CASZ1: variants seen among roughly 807,000 people sequenced by gnomAD.
CASZ1 encodes the protein zinc finger protein castor homolog 1.
CASZ1 carries 28 observed loss-of-function variants against 135.2 expected under a neutral mutation model. The observed-to-expected ratio is 0.21, with a 90% CI of 0.15 to 0.28. CASZ1 has a LOEUF of 0.28. Among genes scored for constraint, CASZ1 ranks in the 10% least tolerant of loss-of-function variants. CASZ1 has a pLI of 1.00. For synonymous variants in CASZ1, 1,068 were observed against 1,073.4 expected (o/e 0.99, Z 0.10); for missense variants, 2,161 against 2,453.3 (o/e 0.88, Z 2.52).
Position 10,649,419 on chromosome 1 carries a change from C to A in CASZ1, c.2899G>T (p.Gly967Cys). Residue 967 changes from glycine (G) to cysteine (C), a missense_variant, in exon 14 of 21, where the codon GGC becomes TGC. Physicochemically the swap from Gly to Cys is radical, Grantham distance 159. This residue lies in a region of CASZ1 where 406 missense variants were observed against 387.6 expected (regional missense o/e 1.05). Transcript: ENST00000377022. Reference sequence around the variant, plus strand: ...TTGATGTTCAGCAGGCTGCCCAGGCCAGGGTTGCCCTGAGACATCTGTGAG... The same window carrying A: ...TTGATGTTCAGCAGGCTGCCCAGGCAAGGGTTGCCCTGAGACATCTGTGAG... ...LMNKMSQGNP[G>C]LGSLLNIKAE... 6.2e-7 allele frequency: 1 copy of A among 1,610,178 alleles called. No homozygotes were observed. The highest frequency in any genetic ancestry group is 8.5e-7 in the Non-Finnish European group (1 of 1,178,310).
At chr1:10,677,166 T>A (rs957327842) in intron 4 of CASZ1, among the ~76,000 whole-genome samples, 17 of 151,980 alleles carry the variant, frequency 1.1e-4, no homozygotes, top group Admixed American at 1.1e-3. Flanking sequence ...GGGCAGGTGA[T>A]GCCTCCCAAG....
intron 1 of CASZ1, among the ~76,000 whole-genome samples, chr1:10,768,400 T>C (rs1203900131): frequency 6.6e-6 from 1 of 152,092 alleles, no homozygotes; most frequent in Non-Finnish European, 1.5e-5. Flanking sequence ...GTATTTTTAG[T>C]AGAGATGGGG....
rs368958186 is a variant in CASZ1, at chr1:10,647,761, C to T, written c.3497+40G>A. On this transcript the variant is annotated intron_variant, in intron 16 of 20. Coordinates refer to ENST00000377022, the MANE Select transcript of CASZ1 (RefSeq NM_001079843.3). This position sits in a 1 kb window ranked among gnomAD's most constrained non-coding sequence, Gnocchi z 4.9. ...CTTGCTAGCACCTACTCCCGAGACG[C>T]GAGGGGAACGCGGGACTCCCGGCTC... The T allele has an allele frequency of 7.0e-5, 112 of 1,610,736 alleles. No individual in the cohort carries two copies. The highest frequency in any genetic ancestry group is 8.8e-5 in the Non-Finnish European group (104 of 1,179,966).
At chr1:10,723,057 A>G (rs1639531535) in intron 2 of CASZ1, among the ~76,000 whole-genome samples, 2 of 152,174 alleles carry the variant, frequency 1.3e-5, no homozygotes, top group Admixed American at 1.3e-4. Flanking sequence ...TGCAGACGGG[A>G]GGTGCGCATC....
Position 10,794,691 on chromosome 1 carries a change from G to A in CASZ1, c.-234+1873C>T, listed in dbSNP as rs1347015286. Among the ~76,000 whole-genome samples, 1 of 152,184 alleles carries A rather than the reference G, an allele frequency of 6.6e-6. No homozygotes were observed. The highest frequency in any genetic ancestry group is 1.9e-4 in the East Asian group (1 of 5,194). ...ACTAGCCTCCCCCAACTCCGGACCC[G>A]GGTCGGGGATGACTTGGAAGAAGAA... On this transcript the variant is annotated intron_variant, in intron 1 of 20. Transcript: ENST00000377022. This position sits in a 1 kb window ranked among gnomAD's most constrained non-coding sequence, Gnocchi z 5.6.
chr1:10,777,362 C>A lies in CASZ1; in HGVS notation c.-233-16505G>T, dbSNP rs1270557057. Reference sequence around the variant, plus strand: ...CCACCTCTGACCTCTGTGACTTCACCCTTCACCCACAAGCCTCCTTTCTCT... The same window carrying A: ...CCACCTCTGACCTCTGTGACTTCACACTTCACCCACAAGCCTCCTTTCTCT... On this transcript the variant is annotated intron_variant, in intron 1 of 20. Coordinates refer to ENST00000377022, the MANE Select transcript of CASZ1 (RefSeq NM_001079843.3). The surrounding 1 kb of genome is among the most constrained non-coding windows in gnomAD (Gnocchi z 4.4). Among the ~76,000 whole-genome samples, 1 of 152,098 alleles carries A rather than the reference C, an allele frequency of 6.6e-6. No homozygotes were observed. The highest frequency in any genetic ancestry group is 2.4e-5 in the African/African-American group (1 of 41,396).
intron 1 of CASZ1, among the ~76,000 whole-genome samples, chr1:10,765,096 T>TC (rs1204415290): frequency 6.6e-6 from 1 of 151,710 alleles, no homozygotes; most frequent in African/African-American, 2.4e-5. Context: ...CATCGGAACC[T>TC]CCCCCCACAA....
intron 2 of CASZ1, among the ~76,000 whole-genome samples, chr1:10,746,150 G>A (rs535857428): frequency 6.6e-6 from 1 of 152,364 alleles, no homozygotes; most frequent in African/African-American, 2.4e-5. Flanking sequence ...TGTTCCCGCT[G>A]TCCAGGCCTC....
Position 10,697,242 on chromosome 1 carries a change from C to T in CASZ1, c.-23-3330G>A, listed in dbSNP as rs1638953505. Among the ~76,000 whole-genome samples the T allele has an allele frequency of 1.0e-5, 1 of 98,118 alleles. No individual in the cohort carries two copies. Among genetic ancestry groups the T allele is most frequent in the African/African-American group, 3.2e-5 (1 of 31,072 alleles). 64.4% of individuals were successfully genotyped at this position (98,118 alleles called of 152,430 possible). The stretch of plus-strand genomic sequence containing the variant: ...CATGGAGGGGCCCCCAGATTATGCG[C>T]CCCCCCCTTCTCTCTCTTTCTCTCT... On this transcript the variant is annotated intron_variant, in intron 3 of 20. Coordinates refer to ENST00000377022, the MANE Select transcript of CASZ1 (RefSeq NM_001079843.3). The surrounding 1 kb of genome is among the most constrained non-coding windows in gnomAD (Gnocchi z 4.7).
rs368863066 is a variant in CASZ1, at chr1:10,664,174, C to T, written c.505+909G>A. Among the ~76,000 whole-genome samples the T allele has an allele frequency of 2.0e-4, 31 of 152,296 alleles. No individual in the cohort carries two copies. The East Asian group carries it at 3.9e-3, about 19-fold the overall frequency. On this transcript the variant is annotated intron_variant, in intron 5 of 20. Coordinates refer to ENST00000377022, the MANE Select transcript of CASZ1 (RefSeq NM_001079843.3). ...AATTATGTGGCTGCGCAGGGCTCCCCGCACGGGGAGGAGATGCACCCCTTG... is the reference window on the plus strand; with the variant it reads ...AATTATGTGGCTGCGCAGGGCTCCCTGCACGGGGAGGAGATGCACCCCTTG...
chr1:10,753,779 C>T (rs990137046), intron 2 of CASZ1, among the ~76,000 whole-genome samples: 4 of 152,096 alleles, frequency 2.6e-5, no homozygotes, highest in Admixed American at 1.3e-4. Flanking sequence ...AAGGGCGATC[C>T]GGGCACATAT....
At chr1:10,678,425 T>TG (rs1228240773) in intron 4 of CASZ1, among the ~76,000 whole-genome samples, 27 of 45,170 alleles carry the variant, frequency 6.0e-4, no homozygotes, top group Middle Eastern at 0.01. Flanking sequence ...TGGGTGGGGG[T>TG]GGGGGGGTCT....
intron 2 of CASZ1, among the ~76,000 whole-genome samples, chr1:10,740,071 C>G (rs570943368): frequency 2.8e-4 from 42 of 152,240 alleles, no homozygotes; most frequent in Non-Finnish European, 4.4e-4. Flanking sequence ...GCCCCCCTGG[C>G]CAGCACCAGC....
chr1:10,789,672 A>G (rs923361923), intron 1 of CASZ1, among the ~76,000 whole-genome samples: 1 of 151,994 alleles, frequency 6.6e-6, no homozygotes, highest in Admixed American at 6.6e-5. Context: ...ACAATATGGA[A>G]GAAGGGCACT....
rs891676308 is a variant in CASZ1, at chr1:10,699,021, G to T, written c.-23-5109C>A. On this transcript the variant is annotated intron_variant, in intron 3 of 20. Coordinates refer to ENST00000377022, the MANE Select transcript of CASZ1 (RefSeq NM_001079843.3). This position sits in a 1 kb window ranked among gnomAD's most constrained non-coding sequence, Gnocchi z 4.6. ...CTCCCCCACCCATGGCCTGGCCTGGGTTGGGGGTGGGAGCAAGATGGAGCC... is the reference window on the plus strand; with the variant it reads ...CTCCCCCACCCATGGCCTGGCCTGGTTTGGGGGTGGGAGCAAGATGGAGCC... Among the ~76,000 whole-genome samples, 2 of 152,240 alleles carry T rather than the reference G, an allele frequency of 1.3e-5. No homozygotes were observed. Among genetic ancestry groups the T allele is most frequent in the African/African-American group, 2.4e-5 (1 of 41,466 alleles).
intron 2 of CASZ1, among the ~76,000 whole-genome samples, chr1:10,760,341 C>T (rs1640349488): frequency 6.6e-6 from 1 of 152,224 alleles, no homozygotes; most frequent in African/African-American, 2.4e-5. Context: ...GGTCCTTGGC[C>T]ACAAAGCCTG....
chr1:10,704,310 G>A (rs74052170), intron 3 of CASZ1: 8,020 of 152,796 alleles, frequency 0.052, 691 homozygotes, highest in African/African-American at 0.18. Context: ...GGAGCAAGAA[G>A]GGGCACCAGG....
intron 4 of CASZ1, among the ~76,000 whole-genome samples, chr1:10,674,764 C>T (rs1243922685): frequency 6.6e-6 from 1 of 152,208 alleles, no homozygotes; most frequent in African/African-American, 2.4e-5. Flanking sequence ...GCCCTGCTCA[C>T]CTCTGCCTGG....
In CASZ1 at chr1:10,707,352, C is replaced by T. The variant is rs115992994; in HGVS notation, c.-76-1808G>A. On this transcript the variant is annotated intron_variant, in intron 2 of 20. Transcript: ENST00000377022. The surrounding 1 kb of genome is among the most constrained non-coding windows in gnomAD (Gnocchi z 5.0). Reference sequence around the variant, plus strand: ...GATAACGACTTGCAGCGCGGTGTTGCCGTCCCCAACCACCCCTGTTTTCTG... The same window carrying T: ...GATAACGACTTGCAGCGCGGTGTTGTCGTCCCCAACCACCCCTGTTTTCTG... Among the ~76,000 whole-genome samples, 779 of 152,302 alleles carry T rather than the reference C, an allele frequency of 5.1e-3. 4 individuals carry two copies. The highest frequency in any genetic ancestry group is 8.9e-3 in the Non-Finnish European group (605 of 68,040).
Sources: gnomAD v4.1 joint callset for allele counts (sites outside exome capture counted in the v4.1 genomes callset) on GRCh38, gnomAD v4.1.1 for gene constraint, gnomAD v4.1.1 regional missense constraint, Gnocchi (gnomAD v3.1) non-coding constraint, MANE v1.5 for transcripts, NCBI Gene and HGNC (gene_info 2026-07-23, HGNC 2026-07-21) for gene names.